The following BCKDHB variants were observed in gnomAD, a reference collection of about 807,000 sequenced individuals.
The protein encoded by BCKDHB is branched chain keto acid dehydrogenase E1 subunit beta.
A neutral mutation model predicts 48.5 loss-of-function variants in BCKDHB; 41 were observed. The observed-to-expected ratio is 0.85, with a 90% CI of 0.66 to 1.10. The LOEUF is 1.10. Ranked by LOEUF, BCKDHB falls within the 50% of genes least tolerant of loss-of-function variation. BCKDHB has a pLI of 0.00. For synonymous variants in BCKDHB, 201 were observed against 174.8 expected, an observed-to-expected ratio of 1.15 and a Z score of -1.18; for missense variants, 496 against 494.2, an observed-to-expected ratio of 1.00 and a Z score of -0.03.
rs573001111 is a variant in BCKDHB, at chr6:80,243,717, G to T, written c.952-29418G>T. 4.6e-5 allele frequency among the ~76,000 whole-genome samples: 7 copies of T among 152,178 alleles called. No individual in the cohort carries two copies. In the East Asian group the frequency reaches 1.4e-3, roughly 29 times the overall value. On this transcript the variant is annotated intron_variant, in intron 8 of 9. Coordinates refer to ENST00000320393, the MANE Select transcript of BCKDHB (RefSeq NM_183050.4). ...CCAGCTAATTTTTGTTTACCTTTTT[G>T]TAGGGATAGTGTCTCATGGTGTTGC...
At position 80,340,660 on chromosome 6, in the gene BCKDHB, A is replaced by G. The variant is rs117352664; in HGVS notation, c.1039-3004A>G. 2.5e-3 allele frequency among the ~76,000 whole-genome samples: 380 copies of G among 152,344 alleles called. 4 individuals are homozygous for G. Among genetic ancestry groups the G allele is most frequent in the Middle Eastern group, 0.02 (6 of 294 alleles). ...AAGAATATGATTAATCTGAATTGTCATGAAAATTCAGGGCACATGGTTGCT... is the reference window on the plus strand; with the variant it reads ...AAGAATATGATTAATCTGAATTGTCGTGAAAATTCAGGGCACATGGTTGCT... On this transcript the variant is annotated intron_variant, in intron 9 of 9. Coordinates refer to ENST00000320393, the MANE Select transcript of BCKDHB (RefSeq NM_183050.4).
Position 80,343,762 on chromosome 6 carries a change from A to G in BCKDHB, c.1137A>G (p.Lys379=), listed in dbSNP as rs1359190832. The change falls in exon 10 of 10, where the codon AAA becomes AAG. Residue 379 remains lysine, a synonymous_variant. Coordinates refer to ENST00000320393, the MANE Select transcript of BCKDHB (RefSeq NM_183050.4). The part of the protein sequence containing the change: ...HIFEPFYIPD[K]WKCYDALRKM... ...TTGAACCATTCTACATCCCAGACAA[A>G]TGGAAGTGTTATGATGCCCTTCGAA... 3 of 1,613,874 alleles carry G rather than the reference A, an allele frequency of 1.9e-6. No homozygotes were observed. The African/African-American group carries it at 4.0e-5, about 22-fold the overall frequency.
the BCKDHB span, among the ~76,000 whole-genome samples, chr6:80,414,995 G>A: frequency 3.3e-5 from 2 of 59,750 alleles, no homozygotes; most frequent in Non-Finnish European, 8.2e-5. Flanking sequence ...GTGTTCTTAG[G>A]TATTTCTGTG....
At position 80,273,163 on chromosome 6, in the gene BCKDHB, T is replaced by A. The variant is rs1237778448; in HGVS notation, c.980T>A (p.Ile327Asn). 2 of 1,613,456 alleles carry A rather than the reference T, an allele frequency of 1.2e-6. No individual in the cohort carries two copies. Among genetic ancestry groups the A allele is most frequent in the Non-Finnish European group, 1.7e-6 (2 of 1,179,640 alleles). Residue 327 changes from isoleucine (I) to asparagine (N), a missense_variant, in exon 9 of 10, where the codon ATC becomes AAC. Transcript: ENST00000320393. The part of the protein sequence containing the change: ...KSVIKTGRLL[I>N]SHEAPLTGGF... ...GTGATCAAAACAGGGCGACTGCTAA[T>A]CAGTCACGAGGCTCCCTTGACAGGC...
At chr6:80,204,181 G>T (rs1774529549) in intron 8 of BCKDHB, among the ~76,000 whole-genome samples, 1 of 152,058 alleles carries the variant, frequency 6.6e-6, no homozygotes, top group African/African-American at 2.4e-5. Flanking sequence ...TTAGTTACAT[G>T]AAAATAACCT....
Position 80,168,957 on chromosome 6 carries a change from G to T in BCKDHB, c.560G>T (p.Gly187Val). ...AGCCTCACTATCCGGTCCCCTTGGG[G>T]CTGTGTTGGTCATGGGGCTCTCTAT... ...CGSLTIRSPW[G>V]CVGHGALYHS... Residue 187 changes from glycine (G) to valine (V), a missense_variant, in exon 5 of 10, where the codon GGC becomes GTC. Coordinates refer to ENST00000320393, the MANE Select transcript of BCKDHB (RefSeq NM_183050.4). The T allele has an allele frequency of 6.2e-7, 1 of 1,614,184 alleles. No individual in the cohort carries two copies. Among genetic ancestry groups the T allele is most frequent in the Non-Finnish European group, 8.5e-7 (1 of 1,180,014 alleles).
At position 80,200,990 on chromosome 6, in the gene BCKDHB, CAGGA is replaced by C; in HGVS notation, c.803_806del (p.Glu268GlyfsTer6). ...CCCACTGTCCCAGGCCGAAGTCATA[CAGGA>C]AGGGAGTGATGTTACTCTAGTTGCC... On this transcript the variant is annotated frameshift_variant, in exon 7 of 10. Transcript: ENST00000320393. LOFTEE classifies it high-confidence loss of function. The C allele has an allele frequency of 1.2e-6, 2 of 1,612,802 alleles. No individual in the cohort carries two copies.
At chr6:80,261,941 C>T (rs978232145) in intron 8 of BCKDHB, among the ~76,000 whole-genome samples, 1 of 152,088 alleles carries the variant, frequency 6.6e-6, no homozygotes, top group Admixed American at 6.5e-5. Context: ...CTCATTTGCC[C>T]ATAACCAGAA....
At chr6:80,315,538 C>G (rs1471935820) in intron 9 of BCKDHB, among the ~76,000 whole-genome samples, 1 of 151,784 alleles carries the variant, frequency 6.6e-6, no homozygotes, top group African/African-American at 2.4e-5. Context: ...TTTTGTTGCT[C>G]TCTGTGAGTG....
At chr6:80,416,986 TA>T in the BCKDHB span, among the ~76,000 whole-genome samples, 2 of 152,118 alleles carry the variant, frequency 1.3e-5, no homozygotes, top group African/African-American at 4.8e-5. Context: ...TGTAGGAGTC[TA>T]AGTCTCTTTA....
At chr6:80,423,193 T>C in the BCKDHB span, among the ~76,000 whole-genome samples, 1 of 152,142 alleles carries the variant, frequency 6.6e-6, no homozygotes, top group African/African-American at 2.4e-5. Flanking sequence ...ATGCTCTCTC[T>C]CTCTATCCTG....
the BCKDHB span, among the ~76,000 whole-genome samples, chr6:80,455,605 C>T: frequency 2.0e-5 from 3 of 151,282 alleles, no homozygotes; most frequent in Non-Finnish European, 4.4e-5. Flanking sequence ...TACCCGTCAA[C>T]GGAGAAATTT....
chr6:80,426,793 A>T, the BCKDHB span, among the ~76,000 whole-genome samples: 26 of 152,154 alleles, frequency 1.7e-4, no homozygotes, highest in Admixed American at 4.6e-4. Flanking sequence ...TGTGTATTCT[A>T]CTGTTGTGTG....
intron 5 of BCKDHB, chr6:80,169,704 A>G: frequency 2.9e-6 from 3 of 1,023,306 alleles, no homozygotes; most frequent in Admixed American, 2.8e-5. Flanking sequence ...GTAGAAACCC[A>G]TAGATGTGTG....
the BCKDHB span, among the ~76,000 whole-genome samples, chr6:80,423,887 A>G: frequency 6.6e-6 from 1 of 152,132 alleles, no homozygotes; most frequent in Admixed American, 6.6e-5. Context: ...GTTTTCCAGG[A>G]GTTTTCAGTA....
At position 80,175,112 on chromosome 6, in the gene BCKDHB, A is replaced by G. The variant is rs147028956; in HGVS notation, c.742+3722A>G. 1.7e-3 allele frequency among the ~76,000 whole-genome samples: 264 copies of G among 152,302 alleles called. 1 individual carries two copies. Among genetic ancestry groups the G allele is most frequent in the African/African-American group, 6.0e-3 (250 of 41,560 alleles). On this transcript the variant is annotated intron_variant, in intron 6 of 9. Coordinates refer to ENST00000320393, the MANE Select transcript of BCKDHB (RefSeq NM_183050.4). ...GGTACCGGGCCTCTTCTCTCTGGTT[A>G]CTGTGCTGTCTTCAACATGTAGTTT...
Position 80,169,859 on chromosome 6 carries a change from G to C in BCKDHB, c.633+829G>C, listed in dbSNP as rs750227425. The C allele has an allele frequency of 1.0e-5, 16 of 1,606,688 alleles. No individual in the cohort carries two copies. In the African/African-American group the frequency reaches 1.9e-4, roughly 19 times the overall value. The stretch of plus-strand genomic sequence containing the variant: ...GTTGAGTAGATGTTGCCTGATTTTT[G>C]AATGTGAGCTAGAAGTTGTAGACTG... On this transcript the variant is annotated intron_variant, in intron 5 of 9. Transcript: ENST00000320393.
rs926075970 is a variant in BCKDHB, at chr6:80,121,467, T to C, written c.197-6080T>C. Among the ~76,000 whole-genome samples the C allele has an allele frequency of 2.6e-5, 4 of 152,356 alleles. No homozygotes were observed. In the East Asian group the frequency reaches 5.8e-4, roughly 22 times the overall value. On this transcript the variant is annotated intron_variant, in intron 1 of 9. Coordinates refer to ENST00000320393, the MANE Select transcript of BCKDHB (RefSeq NM_183050.4). ...GTTACTTTGGACAGTATGGCCATTTTCACAAACAGATTCTTCTTATCCATG... is the reference window on the plus strand; with the variant it reads ...GTTACTTTGGACAGTATGGCCATTTCCACAAACAGATTCTTCTTATCCATG...
At chr6:80,210,320 A>G (rs2127840005) in intron 8 of BCKDHB, among the ~76,000 whole-genome samples, 1 of 152,224 alleles carries the variant, frequency 6.6e-6, no homozygotes, top group South Asian at 2.1e-4. Context: ...CATAAACACA[A>G]AGAAGCCAGA....
Sources: allele counts gnomAD v4.1 joint callset (sites outside exome capture counted in the v4.1 genomes callset), GRCh38; gene constraint gnomAD v4.1.1; transcripts MANE v1.5; gene names NCBI Gene and HGNC (gene_info 2026-07-23, HGNC 2026-07-21).